DPF3: variants seen among roughly 807,000 people sequenced by gnomAD.
DPF3 encodes the protein zinc finger protein DPF3.
In DPF3, 18 loss-of-function variants were observed where a neutral mutation model predicts 56.8. The observed-to-expected ratio is 0.32, with a 90% CI of 0.22 to 0.47. The LOEUF is 0.47. DPF3 is among the 20% of genes least tolerant of loss of function. DPF3 has a pLI of 1.00. For synonymous variants in DPF3, 188 were observed against 180.2 expected (o/e 1.04, Z -0.35); for missense variants, 403 against 488.8 (o/e 0.82, Z 1.65).
In DPF3 at chr14:72,843,913, T is replaced by A. The variant is rs116485788; in HGVS notation, c.32+50144A>T. ...CTCTGAGCTTATATATATTAACTCA[T>A]TCCATCTCTATCTATGAGGTTGGGA... On this transcript the variant is annotated intron_variant, in intron 1 of 10. Transcript: ENST00000556509. Among the ~76,000 whole-genome samples, 767 of 152,344 alleles carry A rather than the reference T, an allele frequency of 5.0e-3. 5 individuals are homozygous for A. Among genetic ancestry groups the A allele is most frequent in the African/African-American group, 0.017 (714 of 41,590 alleles).
In DPF3 at chr14:72,632,007, A is replaced by C. The variant is rs74062320; in HGVS notation, c.872-2271T>G. Among the ~76,000 whole-genome samples, 929 of 152,356 alleles carry C rather than the reference A, an allele frequency of 6.1e-3. 9 individuals carry two copies. The highest frequency in any genetic ancestry group is 0.021 in the African/African-American group (890 of 41,586). ...GCTTTGAGCAGTGAAGCAGCTTAGC[A>C]AATTACAAGGAAGAGAAAGGCCAGT... On this transcript the variant is annotated intron_variant, in intron 8 of 10. Transcript: ENST00000556509.
chr14:72,831,635 C>T (rs1123134), intron 1 of DPF3, among the ~76,000 whole-genome samples: 11,161 of 152,226 alleles, frequency 0.073, 625 homozygotes, highest in South Asian at 0.17. Context: ...AGTATGCTCC[C>T]GTCAGTAGCA....
chr14:72,681,993 T>C (rs1412602817), intron 7 of DPF3, among the ~76,000 whole-genome samples: 1 of 152,168 alleles, frequency 6.6e-6, no homozygotes, highest in Admixed American at 6.5e-5. Context: ...GGCAGGTGGA[T>C]CATGAGGTCA....
intron 1 of DPF3, chr14:72,774,087 C>G (rs1330347478): frequency 1.5e-5 from 6 of 402,886 alleles, no homozygotes; most frequent in Non-Finnish European, 3.0e-5. Context: ...GAGTTCGAGA[C>G]CAGCCTGGCC....
chr14:72,804,987 T>C (rs534606766), intron 1 of DPF3, among the ~76,000 whole-genome samples: 1 of 151,504 alleles, frequency 6.6e-6, no homozygotes, highest in East Asian at 1.9e-4. Flanking sequence ...AACAAAGCAG[T>C]AGTCACTTTC....
chr14:72,853,568 A>AGATTCAAGT (rs1885069546), intron 1 of DPF3, among the ~76,000 whole-genome samples: 1 of 144,798 alleles, frequency 6.9e-6, no homozygotes, highest in Admixed American at 7.3e-5. Flanking sequence ...TCTGCCTCCC[A>AGATTCAAGT]GATTCAAGTG....
At chr14:72,750,121 A>G (rs1418844860) in intron 3 of DPF3, among the ~76,000 whole-genome samples, 1 of 152,202 alleles carries the variant, frequency 6.6e-6, no homozygotes, top group Non-Finnish European at 1.5e-5. Flanking sequence ...ATCATAAAAT[A>G]AAGTTTTTAA....
intron 3 of DPF3, among the ~76,000 whole-genome samples, chr14:72,739,853 GAA>G (rs1391603982): frequency 2.6e-5 from 4 of 152,214 alleles, no homozygotes; most frequent in African/African-American, 9.6e-5. Context: ...TGACTCTGAA[GAA>G]AAGAGACAAA....
chr14:72,793,596 A>T (rs990702751), intron 1 of DPF3, among the ~76,000 whole-genome samples: 3 of 152,146 alleles, frequency 2.0e-5, no homozygotes, highest in African/African-American at 7.2e-5. Flanking sequence ...GGAAAAAAGG[A>T]AATTAACAAG....
At chr14:72,635,892 T>C (rs2803967) in intron 8 of DPF3, among the ~76,000 whole-genome samples, 4,735 of 152,320 alleles carry the variant, frequency 0.031, 230 homozygotes, top group African/African-American at 0.11. Flanking sequence ...TAGGTATGCA[T>C]TGAAAACATA....
intron 1 of DPF3, among the ~76,000 whole-genome samples, chr14:72,889,761 T>C (rs893889742): frequency 7.2e-5 from 11 of 152,246 alleles, no homozygotes; most frequent in African/African-American, 2.4e-4. Flanking sequence ...GACCTGCTGT[T>C]TGACTTGGCT....
intron 1 of DPF3, chr14:72,853,250 G>C (rs2140086827): frequency 6.6e-6 from 1 of 151,816 alleles, no homozygotes; most frequent in Middle Eastern, 3.4e-3. Context: ...GCAGCAGTGA[G>C]AAAGGGGGAA....
rs377516650 is a variant in DPF3 at position 72,616,492 on chromosome 14, A to T, written c.*2805T>A. Among the ~76,000 whole-genome samples the T allele has an allele frequency of 6.6e-6, 1 of 152,192 alleles. No homozygotes were observed. The highest frequency in any genetic ancestry group is 1.5e-5 in the Non-Finnish European group (1 of 68,038). Reference sequence around the variant, plus strand: ...GGGAGATTTGAAGAAGACGTCTAACATTGGCTAATGCACACAAGAAGGCGG... The same window carrying T: ...GGGAGATTTGAAGAAGACGTCTAACTTTGGCTAATGCACACAAGAAGGCGG... On this transcript the variant is annotated 3_prime_UTR_variant, in exon 11 of 11. Coordinates refer to ENST00000556509, the MANE Select transcript of DPF3 (RefSeq NM_001280542.3).
intron 1 of DPF3, among the ~76,000 whole-genome samples, chr14:72,819,910 C>T (rs1240646940): frequency 6.6e-6 from 1 of 152,146 alleles, no homozygotes; most frequent in East Asian, 1.9e-4. Flanking sequence ...TACACTCCAA[C>T]CTGGGCGACA....
chr14:72,796,198 T>A (rs1235510238), intron 1 of DPF3, among the ~76,000 whole-genome samples: 1 of 152,204 alleles, frequency 6.6e-6, no homozygotes, highest in African/African-American at 2.4e-5. Context: ...TATCTGAGCA[T>A]CCCTTTCCCC....
chr14:72,891,907 G>C (rs749920154), intron 1 of DPF3, among the ~76,000 whole-genome samples: 4 of 152,158 alleles, frequency 2.6e-5, no homozygotes, highest in Non-Finnish European at 5.9e-5. Flanking sequence ...ATTATACAAA[G>C]TACAATTCAG....
At chr14:72,677,529 T>G (rs1886965877) in intron 7 of DPF3, among the ~76,000 whole-genome samples, 1 of 152,204 alleles carries the variant, frequency 6.6e-6, no homozygotes, top group Non-Finnish European at 1.5e-5. Context: ...TCTCCCCGTT[T>G]CACATTATCA....
chr14:72,621,291 G>C (rs552731065), intron 9 of DPF3, among the ~76,000 whole-genome samples: 1 of 152,310 alleles, frequency 6.6e-6, no homozygotes, highest in African/African-American at 2.4e-5. Flanking sequence ...CCACTGTAGA[G>C]ACTTCCTTGC....
At chr14:72,846,669 C>T (rs925541639) in intron 1 of DPF3, among the ~76,000 whole-genome samples, 1 of 152,068 alleles carries the variant, frequency 6.6e-6, no homozygotes, top group Non-Finnish European at 1.5e-5. Flanking sequence ...CTCGAGTAAT[C>T]TGCCTGCCTC....
Sources: gnomAD v4.1 joint callset for allele counts (sites outside exome capture counted in the v4.1 genomes callset) on GRCh38, gnomAD v4.1.1 for gene constraint, MANE v1.5 for transcripts, NCBI Gene and HGNC (gene_info 2026-07-23, HGNC 2026-07-21) for gene names.